Variants in NHEJ1 observed in about 807,000 individuals in gnomAD.
NHEJ1 encodes the protein non-homologous end-joining factor 1.
Under a neutral mutation model 39.4 loss-of-function variants are expected in NHEJ1, and 22 were observed. The observed-to-expected ratio is 0.56, with a 90% CI of 0.40 to 0.80. The LOEUF is 0.80. Among genes scored for constraint, NHEJ1 ranks in the 30% least tolerant of loss-of-function variants. NHEJ1 has a pLI of 0.00. For synonymous variants in NHEJ1, 154 were observed against 135.6 expected, an observed-to-expected ratio of 1.14 and a Z score of -0.94; for missense variants, 329 against 357.1, an observed-to-expected ratio of 0.92 and a Z score of 0.63.
Position 219,076,334 on chromosome 2 carries a change from G to A in NHEJ1, c.*47C>T. The stretch of plus-strand genomic sequence containing the variant: ...GTAAGCTTCTTTCAAGGTGAAGCTT[G>A]GAAGCTGTTCTCCAAGTCCATCCTC... On this transcript the variant is annotated 3_prime_UTR_variant, in exon 8 of 8. Transcript: ENST00000356853. The A allele has an allele frequency of 2.5e-6, 4 of 1,614,048 alleles. No homozygotes were observed. In the East Asian group the frequency reaches 6.7e-5, roughly 27 times the overall value.
Position 219,147,656 on chromosome 2 carries a change from C to T in NHEJ1, c.529+1G>A, listed in dbSNP as rs146783338. 8.1e-6 allele frequency: 13 copies of T among 1,614,160 alleles called. No homozygotes were observed. The highest frequency in any genetic ancestry group is 1.1e-5 in the South Asian group (1 of 91,088). ...CAACTCCTCCAAGAATGTCCTCTTA[C>T]CTCGAATCAGCGTAGCCCCACTCTC... is the stretch of plus-strand genomic sequence containing the variant. On this transcript the variant is annotated splice_donor_variant, in intron 4 of 7. Transcript: ENST00000356853. LOFTEE classifies it high-confidence loss of function.
In NHEJ1 at chr2:219,111,858, C is replaced by T. The variant is rs917463445; in HGVS notation, c.589-33652G>A. Among the ~76,000 whole-genome samples the T allele has an allele frequency of 1.3e-5, 2 of 152,272 alleles. No homozygotes were observed. Among genetic ancestry groups the T allele is most frequent in the East Asian group, 1.9e-4 (1 of 5,186 alleles). ...TGGGACTGACCACAGCTGCCCCACG[C>T]GCTTGGCCAGCATCATGGCAGGATG... On this transcript the variant is annotated intron_variant, in intron 5 of 7. Transcript: ENST00000356853. The surrounding 1 kb of genome is among the most constrained non-coding windows in gnomAD (Gnocchi z 4.1).
intron 5 of NHEJ1, among the ~76,000 whole-genome samples, chr2:219,127,215 G>A (rs953196660): frequency 4.6e-5 from 7 of 152,102 alleles, no homozygotes; most frequent in Admixed American, 6.5e-5. Flanking sequence ...CTAGGGAGGT[G>A]TCAAAAAGAA....
At chr2:219,105,085 T>C (rs1949301679) in intron 5 of NHEJ1, among the ~76,000 whole-genome samples, 1 of 152,168 alleles carries the variant, frequency 6.6e-6, no homozygotes, top group South Asian at 2.1e-4. Flanking sequence ...GGGGATATTC[T>C]GGTTAAACAC....
chr2:219,091,951 A>G (rs1162449377), intron 5 of NHEJ1, among the ~76,000 whole-genome samples: 3 of 152,250 alleles, frequency 2.0e-5, no homozygotes, highest in African/African-American at 7.2e-5. Flanking sequence ...AGACCTATTC[A>G]TTCAAGAACT....
chr2:219,136,328 G>A (rs182920541), intron 5 of NHEJ1, among the ~76,000 whole-genome samples: 8 of 138,092 alleles, frequency 5.8e-5, no homozygotes, highest in Non-Finnish European at 3.0e-5. Flanking sequence ...TCGCTTTGTC[G>A]CTCAGGCTGG....
Position 219,069,668 on chromosome 2 carries a change from A to T in NHEJ1, c.*6713T>A, listed in dbSNP as rs565375323. ...AAGCAGGTAGAGAAAGTGGTTTCAA[A>T]AGGATCTAAAGATGACGGAAAACAT... On this transcript the variant is annotated 3_prime_UTR_variant, in exon 8 of 8. Transcript: ENST00000356853. The T allele has an allele frequency of 6.6e-6, 1 of 152,260 alleles. No individual in the cohort carries two copies. The allele number at this position is 152,260 out of a possible 1,614,324, so 9.4% of individuals were successfully genotyped here.
chr2:219,076,996 G>C (rs536925618), intron 7 of NHEJ1, among the ~76,000 whole-genome samples: 1 of 152,204 alleles, frequency 6.6e-6, no homozygotes. Flanking sequence ...GGCCATCACC[G>C]GAAGTGGGAT....
In NHEJ1 at chr2:219,157,666, T is replaced by C; in HGVS notation, c.196A>G (p.Thr66Ala). 6.2e-7 allele frequency: 1 copy of C among 1,613,774 alleles called. No individual in the cohort carries two copies. The highest frequency in any genetic ancestry group is 8.5e-7 in the Non-Finnish European group (1 of 1,179,862). Residue 66 changes from threonine (T) to alanine (A), a missense_variant, in exon 3 of 8, where the codon ACT becomes GCT. Transcript: ENST00000356853. ...CAGAGGAAAGCTGCAGGAGGAGCAG[T>C]GAGCCGCTTGTTCAGCTCCTAAAGA... is the stretch of plus-strand genomic sequence containing the variant. ...QRAKELNKRL[T>A]APPAAFLCHL... is the part of the protein sequence containing the mutation.
rs746798263 is a variant in NHEJ1 at position 219,069,959 on chromosome 2, A to C, written c.*6422T>G. 2 of 152,364 alleles carry C rather than the reference A, an allele frequency of 1.3e-5. No homozygotes were observed. Among genetic ancestry groups the C allele is most frequent in the African/African-American group, 2.4e-5 (1 of 41,578 alleles). 9.4% of individuals were successfully genotyped at this position (152,364 alleles called of 1,614,324 possible). ...ACTGGCTTGTAGGAAATGTATTGGG[A>C]ATGAGATAGAGAAATCCACATTCAA... On this transcript the variant is annotated 3_prime_UTR_variant, in exon 8 of 8. Coordinates refer to ENST00000356853, the MANE Select transcript of NHEJ1 (RefSeq NM_024782.3).
At chr2:219,087,567 C>G (rs922843991) in intron 5 of NHEJ1, among the ~76,000 whole-genome samples, 3 of 152,142 alleles carry the variant, frequency 2.0e-5, no homozygotes, top group Non-Finnish European at 4.4e-5. Context: ...CTCATGGACT[C>G]CCTGCCCCCA....
At chr2:219,100,470 G>C (rs1399612998) in intron 5 of NHEJ1, among the ~76,000 whole-genome samples, 1 of 151,894 alleles carries the variant, frequency 6.6e-6, no homozygotes, top group African/African-American at 2.4e-5. Context: ...AAATAGCTGG[G>C]GATGGTAGTG....
At chr2:219,143,236 G>A (rs1949707806) in intron 5 of NHEJ1, among the ~76,000 whole-genome samples, 1 of 151,960 alleles carries the variant, frequency 6.6e-6, no homozygotes, top group Non-Finnish European at 1.5e-5. Flanking sequence ...TTCAGTCTTG[G>A]GTGACCCCAT....
intron 5 of NHEJ1, among the ~76,000 whole-genome samples, chr2:219,110,458 G>A (rs557304245): frequency 1.3e-5 from 2 of 152,146 alleles, no homozygotes; most frequent in African/African-American, 4.8e-5. Context: ...AGGAGGTTGA[G>A]GCTGCAGTGA....
chr2:219,113,123 CAT>C (rs889156054), intron 5 of NHEJ1, among the ~76,000 whole-genome samples: 10 of 152,208 alleles, frequency 6.6e-5, no homozygotes, highest in Non-Finnish European at 1.3e-4. Context: ...GCTAACCAAA[CAT>C]GTGTCACCAG....
At chr2:219,097,411 G>C (rs1266731235) in intron 5 of NHEJ1, among the ~76,000 whole-genome samples, 1 of 152,158 alleles carries the variant, frequency 6.6e-6, no homozygotes, top group African/African-American at 2.4e-5. Context: ...TGATGGATTG[G>C]ATGTGGGGTA....
chr2:219,115,893 G>A (rs557711340), intron 5 of NHEJ1, among the ~76,000 whole-genome samples: 2 of 152,226 alleles, frequency 1.3e-5, no homozygotes, highest in South Asian at 2.1e-4. Flanking sequence ...AGGCCGAGGC[G>A]GGCAGATCAC....
chr2:219,157,379 A>T (rs1949863988), intron 3 of NHEJ1, 93 bp downstream of exon 3: 1 of 1,123,230 alleles, frequency 8.9e-7, no homozygotes, highest in East Asian at 2.4e-5. Context: ...GAAGAATTTC[A>T]AACAAGGTTT....
In NHEJ1 at chr2:219,110,200, C is replaced by T. The variant is rs138690867; in HGVS notation, c.589-31994G>A. 1.3e-3 allele frequency among the ~76,000 whole-genome samples: 202 copies of T among 152,258 alleles called. 1 individual carries two copies. Among genetic ancestry groups the T allele is most frequent in the African/African-American group, 4.6e-3 (193 of 41,544 alleles). On this transcript the variant is annotated intron_variant, in intron 5 of 7. Coordinates refer to ENST00000356853, the MANE Select transcript of NHEJ1 (RefSeq NM_024782.3). ...CCCTCATTGAGAATCCATGTCTTCA[C>T]ATGGGGTAAAATCAACGTAATTAAA...
Sources: allele counts gnomAD v4.1 joint callset (sites outside exome capture counted in the v4.1 genomes callset), GRCh38; gene constraint gnomAD v4.1.1; non-coding constraint Gnocchi (gnomAD v3.1); transcripts MANE v1.5; gene names NCBI Gene and HGNC (gene_info 2026-07-23, HGNC 2026-07-21).